Variants in ADAMTS3 observed in about 807,000 individuals in gnomAD.
ADAMTS3 encodes the protein A disintegrin and metalloproteinase with thrombospondin motifs 3.
Under a neutral mutation model 129.0 loss-of-function variants are expected in ADAMTS3, and 73 were observed. The observed-to-expected ratio is 0.57, with a 90% confidence interval of 0.47 to 0.69. The LOEUF (loss-of-function observed/expected upper bound fraction) is 0.69, where lower values mean the gene tolerates loss of function less well. Among genes scored for constraint, ADAMTS3 ranks in the 30% least tolerant of loss-of-function variants. The pLI is 0.00. For missense variants in ADAMTS3, 1,457 were observed against 1,514.5 expected (o/e 0.96, Z 0.63); for synonymous variants, 477 against 510.8 (o/e 0.93, Z 0.89).
chr4:72,329,751 GAA>G (rs200484137), intron 5 of ADAMTS3, among the ~76,000 whole-genome samples: 1 of 135,436 alleles, frequency 7.4e-6, no homozygotes, highest in Non-Finnish European at 1.6e-5. Context: ...TTTCTTTCAT[GAA>G]AAAAAAAAAA....
At chr4:72,417,602 T>A (rs1012095208) in intron 3 of ADAMTS3, among the ~76,000 whole-genome samples, 14 of 152,086 alleles carry the variant, frequency 9.2e-5, no homozygotes, top group Admixed American at 7.2e-4. Flanking sequence ...GTCGGCCCTT[T>A]TATTTATTAA....
At chr4:72,455,793 T>C (rs967832474) in intron 3 of ADAMTS3, among the ~76,000 whole-genome samples, 5 of 125,270 alleles carry the variant, frequency 4.0e-5, no homozygotes, top group African/African-American at 6.5e-5. Context: ...CTTATATATA[T>C]ATATATTTTG....
At chr4:72,504,595 T>C (rs945733347) in intron 3 of ADAMTS3, among the ~76,000 whole-genome samples, 2 of 152,170 alleles carry the variant, frequency 1.3e-5, no homozygotes, top group Admixed American at 6.6e-5. Flanking sequence ...GGATTTCTTA[T>C]ACTTGGATAT....
At chr4:72,454,573 T>C (rs2109973928) in intron 3 of ADAMTS3, among the ~76,000 whole-genome samples, 1 of 151,878 alleles carries the variant, frequency 6.6e-6, no homozygotes, top group East Asian at 2.0e-4. Flanking sequence ...AATGTAGCAC[T>C]TGACACTAGC....
intron 3 of ADAMTS3, among the ~76,000 whole-genome samples, chr4:72,449,926 ACTT>A (rs1718349964): frequency 1.3e-5 from 2 of 151,430 alleles, no homozygotes; most frequent in Non-Finnish European, 3.0e-5. Flanking sequence ...TGCCTTAGTC[ACTT>A]CTTGTCATGT....
intron 2 of ADAMTS3, among the ~76,000 whole-genome samples, chr4:72,561,258 A>G (rs1721896296): frequency 6.6e-6 from 1 of 151,636 alleles, no homozygotes; most frequent in African/African-American, 2.4e-5. Flanking sequence ...TGAGGCAGAG[A>G]ATTGCTTGAA....
At chr4:72,416,041 G>A (rs541451442) in intron 3 of ADAMTS3, among the ~76,000 whole-genome samples, 61 of 151,778 alleles carry the variant, frequency 4.0e-4, no homozygotes, top group Non-Finnish European at 8.1e-4. Flanking sequence ...TGGCTCTCAT[G>A]TAACACAGAC....
intron 4 of ADAMTS3, among the ~76,000 whole-genome samples, chr4:72,367,968 T>A (rs1201473780): frequency 2.0e-5 from 3 of 152,156 alleles, no homozygotes; most frequent in African/African-American, 7.2e-5. Context: ...CATAATGTAA[T>A]TTAAAAAACA....
At chr4:72,530,444 AAT>A (rs1162130961) in intron 3 of ADAMTS3, among the ~76,000 whole-genome samples, 4 of 63,612 alleles carry the variant, frequency 6.3e-5, no homozygotes, top group East Asian at 4.7e-4. Flanking sequence ...ATGTTAATTT[AAT>A]ATATATTATA....
intron 3 of ADAMTS3, among the ~76,000 whole-genome samples, chr4:72,494,223 C>A (rs1463366860): frequency 6.6e-6 from 1 of 152,068 alleles, no homozygotes; most frequent in Non-Finnish European, 1.5e-5. Flanking sequence ...TTTTAGTTTT[C>A]TTGATGATGC....
At chr4:72,370,434 C>A (rs950773494) in intron 4 of ADAMTS3, among the ~76,000 whole-genome samples, 1 of 152,066 alleles carries the variant, frequency 6.6e-6, no homozygotes, top group East Asian at 1.9e-4. Flanking sequence ...CTTATTGTAT[C>A]ATTTGCTTAT....
chr4:72,530,716 A>G (rs1205918127), intron 3 of ADAMTS3, among the ~76,000 whole-genome samples: 2 of 88,376 alleles, frequency 2.3e-5, no homozygotes, highest in Non-Finnish European at 4.0e-5. Flanking sequence ...TATATTATAT[A>G]TAATATTATA....
intron 2 of ADAMTS3, among the ~76,000 whole-genome samples, chr4:72,553,893 C>T (rs1325870551): frequency 1.3e-5 from 2 of 152,028 alleles, no homozygotes; most frequent in Non-Finnish European, 2.9e-5. Context: ...TTCTTTTTAC[C>T]TACATCTTTA....
intron 3 of ADAMTS3, among the ~76,000 whole-genome samples, chr4:72,524,695 A>G (rs1321436004): frequency 3.9e-5 from 6 of 152,146 alleles, no homozygotes; most frequent in Admixed American, 6.5e-5. Context: ...CTCTTCACTG[A>G]TATTAAATAA....
chr4:72,362,725 T>G (rs549339310), intron 4 of ADAMTS3, among the ~76,000 whole-genome samples: 1 of 152,272 alleles, frequency 6.6e-6, no homozygotes, highest in East Asian at 1.9e-4. Context: ...TTAATCATGA[T>G]CACTGCCTGA....
chr4:72,290,818 C>T lies in ADAMTS3; in HGVS notation c.2931+37G>A, dbSNP rs1718636878. The T allele has an allele frequency of 3.1e-6, 5 of 1,592,762 alleles. No individual in the cohort carries two copies. The East Asian group carries it at 6.7e-5, about 21-fold the overall frequency. On this transcript the variant is annotated intron_variant, in intron 20 of 21. Coordinates refer to ENST00000286657, the MANE Select transcript of ADAMTS3 (RefSeq NM_014243.3). ...AAATATCTACACATGCTTACACACA[C>T]ACTTTACTTATGCATGCACGGAATT...
At position 72,498,471 on chromosome 4, in the gene ADAMTS3, T is replaced by C. The variant is rs760032748; in HGVS notation, c.504+50007A>G. Among the ~76,000 whole-genome samples, 262 of 152,124 alleles carry C rather than the reference T, an allele frequency of 1.7e-3. 2 individuals carry two copies. Among genetic ancestry groups the C allele is most frequent in the Non-Finnish European group, 2.2e-3 (147 of 67,932 alleles). On this transcript the variant is annotated intron_variant, in intron 3 of 21. Transcript: ENST00000286657. ...ATTTGTTTTCAGAAGAAAAAGTACATGAATGAGAATACAACTTTCAAGGTA... is the reference window on the plus strand; with the variant it reads ...ATTTGTTTTCAGAAGAAAAAGTACACGAATGAGAATACAACTTTCAAGGTA...
chr4:72,432,252 C>T (rs776490182), intron 3 of ADAMTS3, among the ~76,000 whole-genome samples: 6 of 151,900 alleles, frequency 3.9e-5, no homozygotes, highest in Non-Finnish European at 5.9e-5. Context: ...CCCATAAATT[C>T]CTCCAACAGC....
chr4:72,299,960 G>A (rs980523152), intron 17 of ADAMTS3, among the ~76,000 whole-genome samples: 3 of 152,072 alleles, frequency 2.0e-5, no homozygotes, highest in African/African-American at 7.2e-5. Context: ...AGCTTTCATA[G>A]GATTTTACTG....
Sources: allele counts gnomAD v4.1 joint callset (sites outside exome capture counted in the v4.1 genomes callset), GRCh38; gene constraint gnomAD v4.1.1; transcripts MANE v1.5; gene names NCBI Gene and HGNC (gene_info 2026-07-23, HGNC 2026-07-21).